Variants in NPAS3 observed in about 807,000 individuals in gnomAD.
The protein encoded by NPAS3 is neuronal PAS domain-containing protein 3.
Under a neutral mutation model 73.1 loss-of-function variants are expected in NPAS3, and 14 were observed. The ratio of observed to expected loss-of-function variants is 0.19; its 90% CI spans 0.13 to 0.30. The LOEUF is 0.30. Ranked by LOEUF, NPAS3 falls within the 10% of genes least tolerant of loss-of-function variation. The pLI is 1.00. For synonymous variants in NPAS3, 620 were observed against 541.5 expected (o/e 1.14, Z -2.01); for missense variants, 1,096 against 1,250.0 (o/e 0.88, Z 1.86).
At chr14:33,721,803 T>C (rs1003067673) in intron 6 of NPAS3, among the ~76,000 whole-genome samples, 3 of 152,158 alleles carry the variant, frequency 2.0e-5, no homozygotes, top group African/African-American at 7.2e-5. Flanking sequence ...TTTACGTCAT[T>C]TCCAAAATGC....
intron 1 of NPAS3, among the ~76,000 whole-genome samples, chr14:32,961,935 TA>T (rs2036938640): frequency 6.6e-6 from 1 of 152,186 alleles, no homozygotes. Flanking sequence ...TTCTGTTGCC[TA>T]AGTGTAATAC....
At chr14:33,254,192 A>G (rs543257920) in intron 3 of NPAS3, among the ~76,000 whole-genome samples, 18 of 152,034 alleles carry the variant, frequency 1.2e-4, no homozygotes, top group Non-Finnish European at 2.2e-4. Flanking sequence ...AGCAGCTTCC[A>G]TAGTCCTCCG....
intron 2 of NPAS3, among the ~76,000 whole-genome samples, chr14:33,086,359 T>A (rs931878709): frequency 6.6e-6 from 1 of 152,192 alleles, no homozygotes; most frequent in Non-Finnish European, 1.5e-5. Flanking sequence ...TATATTCTTC[T>A]AATAATTAAA....
chr14:33,098,268 C>G (rs2042480541), intron 2 of NPAS3, among the ~76,000 whole-genome samples: 1 of 152,132 alleles, frequency 6.6e-6, no homozygotes, highest in African/African-American at 2.4e-5. Flanking sequence ...CTTAGGTTAT[C>G]ATATGTGTGC....
intron 4 of NPAS3, among the ~76,000 whole-genome samples, chr14:33,427,705 G>A (rs1449459317): frequency 6.6e-6 from 1 of 151,966 alleles, no homozygotes; most frequent in Non-Finnish European, 1.5e-5. Context: ...TTACACAAGG[G>A]CAAGGATTTT....
At chr14:33,490,236 G>A (rs547482254) in intron 4 of NPAS3, among the ~76,000 whole-genome samples, 2 of 152,000 alleles carry the variant, frequency 1.3e-5, no homozygotes, top group South Asian at 2.1e-4. Context: ...TATATGTTTC[G>A]AACCCATTAT....
intron 2 of NPAS3, among the ~76,000 whole-genome samples, chr14:33,127,314 T>C (rs2043462764): frequency 6.6e-6 from 1 of 152,104 alleles, no homozygotes; most frequent in South Asian, 2.1e-4. Flanking sequence ...TGCTATGAAG[T>C]GTTTGGTTTT....
chr14:33,352,657 C>T (rs2045124772), intron 3 of NPAS3, among the ~76,000 whole-genome samples: 1 of 152,190 alleles, frequency 6.6e-6, no homozygotes, highest in Non-Finnish European at 1.5e-5. Context: ...GTCTTCCCAT[C>T]TTTTTAAGTG....
At chr14:33,720,556 C>T (rs1411315989) in intron 6 of NPAS3, among the ~76,000 whole-genome samples, 2 of 152,190 alleles carry the variant, frequency 1.3e-5, no homozygotes, top group African/African-American at 4.8e-5. Flanking sequence ...AAGCACATTA[C>T]TGTCAGTCTT....
At chr14:33,255,587 G>T (rs955080067) in intron 3 of NPAS3, among the ~76,000 whole-genome samples, 2 of 152,090 alleles carry the variant, frequency 1.3e-5, no homozygotes, top group African/African-American at 4.8e-5. Flanking sequence ...CATGATTATA[G>T]TTTTTGTCCT....
At chr14:33,669,510 T>C (rs1403759848) in intron 5 of NPAS3, among the ~76,000 whole-genome samples, 1 of 152,202 alleles carries the variant, frequency 6.6e-6, no homozygotes, top group Admixed American at 6.5e-5. Flanking sequence ...TGAATACTGT[T>C]CTAAAACCAC....
At chr14:33,168,780 C>T (rs896533140) in intron 2 of NPAS3, among the ~76,000 whole-genome samples, 2 of 152,176 alleles carry the variant, frequency 1.3e-5, no homozygotes, top group East Asian at 3.9e-4. Flanking sequence ...TTCACGTTGG[C>T]CTTCCTCCTG....
chr14:33,668,928 G>A (rs143845182), intron 5 of NPAS3, among the ~76,000 whole-genome samples: 12 of 152,246 alleles, frequency 7.9e-5, no homozygotes, highest in East Asian at 5.8e-4. Context: ...GACAAAATTC[G>A]CTATGAAAAC....
intron 1 of NPAS3, among the ~76,000 whole-genome samples, chr14:33,051,998 A>T (rs998296103): frequency 1.3e-5 from 2 of 152,146 alleles, no homozygotes; most frequent in African/African-American, 4.8e-5. Context: ...TGACCTCATG[A>T]TCCACCCACC....
chr14:33,215,032 T>C, intron 2 of NPAS3, 150 bp from the exon 3 acceptor site: 2 of 774,986 alleles, frequency 2.6e-6, no homozygotes, highest in Non-Finnish European at 4.1e-6. Flanking sequence ...AGTGGACATT[T>C]TCTGGAACTC....
At chr14:33,347,145 G>A (rs115448791) in intron 3 of NPAS3, among the ~76,000 whole-genome samples, 57 of 152,228 alleles carry the variant, frequency 3.7e-4, no homozygotes, top group African/African-American at 1.3e-3. Flanking sequence ...AAGCAAACTG[G>A]TGGCATCAAT....
chr14:33,088,503 C>T (rs1022192532), intron 2 of NPAS3, among the ~76,000 whole-genome samples: 2 of 152,196 alleles, frequency 1.3e-5, no homozygotes, highest in African/African-American at 4.8e-5. Context: ...GGGTGCCCGC[C>T]ATTGCTGAGG....
chr14:33,793,145 G>A (rs546343366), intron 9 of NPAS3, among the ~76,000 whole-genome samples: 26 of 152,248 alleles, frequency 1.7e-4, no homozygotes, highest in Non-Finnish European at 2.5e-4. Context: ...TAATGGCACC[G>A]TTTCACATTA....
chr14:33,254,637 G>A (rs927186426), intron 3 of NPAS3, among the ~76,000 whole-genome samples: 2 of 152,072 alleles, frequency 1.3e-5, no homozygotes, highest in Non-Finnish European at 2.9e-5. Flanking sequence ...ACTCTTTGAG[G>A]CAACCAGTTA....
Sources: allele counts gnomAD v4.1 joint callset (sites outside exome capture counted in the v4.1 genomes callset), GRCh38; gene constraint gnomAD v4.1.1; transcripts MANE v1.5; gene names NCBI Gene and HGNC (gene_info 2026-07-23, HGNC 2026-07-21).